HIPK3: variants seen among roughly 807,000 people sequenced by gnomAD.
HIPK3 encodes the protein homeodomain interacting protein kinase 3.
Under a neutral mutation model 124.2 loss-of-function variants are expected in HIPK3, and 47 were observed. That is an observed-to-expected ratio of 0.38 (90% CI 0.30 to 0.48). The LOEUF is 0.48. Among genes scored for constraint, HIPK3 ranks in the 20% least tolerant of loss-of-function variants. The pLI, the probability that HIPK3 is intolerant of heterozygous loss-of-function variation, is 0.98. For missense variants in HIPK3, 1,286 were observed against 1,454.3 expected, an observed-to-expected ratio of 0.88 and a Z score of 1.88; for synonymous variants, 482 against 515.2, an observed-to-expected ratio of 0.94 and a Z score of 0.87.
intron 2 of HIPK3, among the ~76,000 whole-genome samples, chr11:33,295,484 A>C (rs1227879600): frequency 6.6e-6 from 1 of 152,232 alleles, no homozygotes; most frequent in Non-Finnish European, 1.5e-5. Flanking sequence ...ATTCAAGCTT[A>C]TGTTGCGTCG....
In HIPK3 at chr11:33,257,737, G is replaced by T; in HGVS notation, c.-155G>T. 1.0e-6 allele frequency: 1 copy of T among 988,846 alleles called. No homozygotes were observed. Among genetic ancestry groups the T allele is most frequent in the South Asian group, 4.5e-5 (1 of 21,994 alleles). The allele number at this position is 988,846 out of a possible 1,614,324, so 61.3% of individuals were successfully genotyped here. A position where few individuals can be genotyped will look rare whatever the true frequency, so the allele number is the denominator to read the frequency against. ...TTCCTCTCAGCCGCCAGGACAAGAT[G>T]GCAGCGGCCGCGGAGAGGGGCTGAG... On this transcript the variant is annotated 5_prime_UTR_variant, in exon 1 of 17. The change abolishes an upstream ATG in the 5' untranslated region. Transcript: ENST00000303296.
chr11:33,343,394 C>T (rs961322184), intron 8 of HIPK3, among the ~76,000 whole-genome samples: 5 of 151,860 alleles, frequency 3.3e-5, no homozygotes, highest in African/African-American at 1.2e-4. Context: ...ATTCTCATGC[C>T]TCAGCCTCCC....
At chr11:33,278,800 T>C (rs929199616) in intron 1 of HIPK3, among the ~76,000 whole-genome samples, 6 of 151,628 alleles carry the variant, frequency 4.0e-5, no homozygotes, top group African/African-American at 1.2e-4. Context: ...GCAGAGATCG[T>C]GCCACTGCAC....
chr11:33,348,712 C>T lies in HIPK3; in HGVS notation c.2560C>T (p.Arg854Trp), dbSNP rs1853570771. 3.7e-6 allele frequency: 6 copies of T among 1,614,096 alleles called. No homozygotes were observed. Among genetic ancestry groups the T allele is most frequent in the Non-Finnish European group, 4.2e-6 (5 of 1,179,992 alleles). The change falls in exon 13 of 17, where the codon CGG becomes TGG. Residue 854 changes from arginine to tryptophan, a missense_variant. Physicochemically the swap from Arg to Trp is moderately radical, Grantham distance 101. Transcript: ENST00000303296. ...DSDSSVSDKQ[R>W]QTIIIADSPS... ...TGATTCATCAGTTTCAGACAAACAGCGGCAAACCATCATTATTGCCGACTC... is the reference window on the plus strand; with the variant it reads ...TGATTCATCAGTTTCAGACAAACAGTGGCAAACCATCATTATTGCCGACTC...
intron 2 of HIPK3, among the ~76,000 whole-genome samples, chr11:33,292,719 A>T (rs1388013206): frequency 6.6e-6 from 1 of 152,184 alleles, no homozygotes; most frequent in African/African-American, 2.4e-5. Flanking sequence ...ATAGAAGATT[A>T]GGAAATTCTA....
In HIPK3 at chr11:33,286,437, A is replaced by G. The variant is rs1565063739; in HGVS notation, c.23A>G (p.Tyr8Cys). ...GGTATGGCCTCACAAGTCTTGGTCT[A>G]CCCACCATATGTTTATCAAACTCAG... MASQVLV[Y>C]PPYVYQTQSS... The change falls in exon 2 of 17, where the codon TAC becomes TGC. Residue 8 changes from tyrosine to cysteine, a missense_variant. Coordinates refer to ENST00000303296, the MANE Select transcript of HIPK3 (RefSeq NM_005734.5). The G allele has an allele frequency of 1.9e-6, 3 of 1,565,892 alleles. No homozygotes were observed. Among genetic ancestry groups the G allele is most frequent in the Admixed American group, 1.9e-5 (1 of 53,540 alleles).
intron 2 of HIPK3, among the ~76,000 whole-genome samples, chr11:33,323,984 A>G (rs766694253): frequency 5.9e-5 from 9 of 152,358 alleles, no homozygotes; most frequent in African/African-American, 1.4e-4. Context: ...ATTCTCTGCA[A>G]TATCCTTAGC....
At chr11:33,257,288 T>C (rs1365015086), upstream of HIPK3, 8 of 983,154 alleles carry the variant, frequency 8.1e-6, no homozygotes, top group African/African-American at 1.4e-4. Context: ...CCGCCCGGGC[T>C]GGGCGCGCAG....
chr11:33,299,926 G>A (rs536174617), intron 2 of HIPK3, among the ~76,000 whole-genome samples: 2 of 151,638 alleles, frequency 1.3e-5, no homozygotes, highest in South Asian at 4.2e-4. Flanking sequence ...GGATGCTGAG[G>A]TGGGAGGATT....
chr11:33,276,561 TACGGACTGA>T (rs1391811515), intron 1 of HIPK3, among the ~76,000 whole-genome samples: 23 of 152,328 alleles, frequency 1.5e-4, no homozygotes, highest in Middle Eastern at 3.4e-3. Flanking sequence ...TTTAGGCTTG[TACGGACTGA>T]ACAGGTGACT....
chr11:33,353,682 G>T lies in HIPK3; in HGVS notation c.*114G>T. 1 of 754,380 alleles carries T rather than the reference G, an allele frequency of 1.3e-6. No homozygotes were observed. Among genetic ancestry groups the T allele is most frequent in the Non-Finnish European group, 2.1e-6 (1 of 469,600 alleles). 46.7% of individuals were successfully genotyped at this position (754,380 alleles called of 1,614,324 possible). On this transcript the variant is annotated 3_prime_UTR_variant, in exon 17 of 17. Coordinates refer to ENST00000303296, the MANE Select transcript of HIPK3 (RefSeq NM_005734.5). ...TTATTTTTGAATCATGTAGACTTGGGTGCAATTTAAACAACTTTGAGCTTT... is the reference window on the plus strand; with the variant it reads ...TTATTTTTGAATCATGTAGACTTGGTTGCAATTTAAACAACTTTGAGCTTT...
chr11:33,355,941 T>C lies in HIPK3; in HGVS notation c.*2373T>C, dbSNP rs1853805375. 1 of 152,020 alleles carries C rather than the reference T, an allele frequency of 6.6e-6. No homozygotes were observed. Among genetic ancestry groups the C allele is most frequent in the Non-Finnish European group, 1.5e-5 (1 of 67,886 alleles). 9.4% of individuals were successfully genotyped at this position (152,020 alleles called of 1,614,324 possible). On this transcript the variant is annotated 3_prime_UTR_variant, in exon 17 of 17. Transcript: ENST00000303296. ...GGGGTCACTATTTAAGTAAATTTGC[T>C]GCCCTCCACAGCCTTCTAATTTTAT...
chr11:33,321,791 G>T (rs11032227), intron 2 of HIPK3, among the ~76,000 whole-genome samples: 100,753 of 151,864 alleles, frequency 0.66, 33,727 homozygotes, highest in Non-Finnish European at 0.72. Flanking sequence ...TCTGAGTGTG[G>T]AAGGTTAGTA....
At chr11:33,288,119 T>C (rs1851605240) in intron 2 of HIPK3, among the ~76,000 whole-genome samples, 1 of 152,150 alleles carries the variant, frequency 6.6e-6, no homozygotes, top group Non-Finnish European at 1.5e-5. Context: ...GCTCAACCTG[T>C]ATAAGGATTC....
At chr11:33,328,415 C>T in intron 2 of HIPK3, 95 bp from the exon 3 acceptor site, 1 of 1,195,694 alleles carries the variant, frequency 8.4e-7, no homozygotes, top group Non-Finnish European at 1.2e-6. Context: ...GAATGTGATA[C>T]CTCTGTCATT....
At chr11:33,310,846 T>G (rs2622381) in intron 2 of HIPK3, among the ~76,000 whole-genome samples, 1 of 152,118 alleles carries the variant, frequency 6.6e-6, no homozygotes, top group Admixed American at 6.5e-5. Flanking sequence ...ATCAAGTAGG[T>G]AGATCATGTT....
chr11:33,343,283 G>C lies in HIPK3; in HGVS notation c.1897+1597G>C, dbSNP rs562939744. Among the ~76,000 whole-genome samples the C allele has an allele frequency of 8.9e-3, 1,337 of 149,718 alleles. 23 individuals are homozygous for C. The highest frequency in any genetic ancestry group is 0.031 in the African/African-American group (1,265 of 40,330). On this transcript the variant is annotated intron_variant, in intron 8 of 16. Coordinates refer to ENST00000303296, the MANE Select transcript of HIPK3 (RefSeq NM_005734.5). ...TGTGTGTGTGTGTGTGTGTGTGTGT[G>C]TGTGTGTCTTTTTTTGAGATAGTGT...
At chr11:33,347,500 T>G (rs1290121341) in intron 9 of HIPK3, 86 bp downstream of exon 9, 1 of 1,587,914 alleles carries the variant, frequency 6.3e-7, no homozygotes, top group African/African-American at 1.4e-5. Flanking sequence ...TTAATCCATT[T>G]TGTAGGTTAT....
chr11:33,339,679 C>T (rs1185912736), intron 6 of HIPK3, 145 bp downstream of exon 6: 4 of 569,124 alleles, frequency 7.0e-6, no homozygotes, highest in Admixed American at 3.0e-5. Context: ...AGTTCACATA[C>T]ACCAGTAAGT....
Sources: allele counts gnomAD v4.1 joint callset (sites outside exome capture counted in the v4.1 genomes callset), GRCh38; gene constraint gnomAD v4.1.1; transcripts MANE v1.5; gene names NCBI Gene and HGNC (gene_info 2026-07-23, HGNC 2026-07-21).